TBL1XR1: variants seen among roughly 807,000 people sequenced by gnomAD.
TBL1XR1 encodes F-box-like/WD repeat-containing protein TBL1XR1.
A neutral mutation model predicts 66.9 loss-of-function variants in TBL1XR1; 5 were observed. The ratio of observed to expected loss-of-function variants is 0.07; its 90% CI spans 0.04 to 0.16. The LOEUF (loss-of-function observed/expected upper bound fraction) is 0.16, where lower values mean the gene tolerates loss of function less well. Ranked by LOEUF, TBL1XR1 falls within the 10% of genes least tolerant of loss-of-function variation. TBL1XR1 has a pLI of 1.00. For synonymous variants in TBL1XR1, 210 were observed against 206.0 expected (o/e 1.02, Z -0.17); for missense variants, 238 against 623.2 (o/e 0.38, Z 6.58).
intron 1 of TBL1XR1, among the ~76,000 whole-genome samples, chr3:177,133,395 A>T (rs1728534512): frequency 6.6e-6 from 1 of 152,226 alleles, no homozygotes; most frequent in South Asian, 2.1e-4. Flanking sequence ...TTCAAGATAT[A>T]CATCCTGAGC....
chr3:177,042,481 T>G (rs1383033316), intron 10 of TBL1XR1, among the ~76,000 whole-genome samples: 1 of 152,180 alleles, frequency 6.6e-6, no homozygotes, highest in African/African-American at 2.4e-5. Context: ...ATTGTTGGGA[T>G]GTAGGAAATG....
chr3:177,070,864 T>C (rs577368391), intron 2 of TBL1XR1, among the ~76,000 whole-genome samples: 1 of 151,666 alleles, frequency 6.6e-6, no homozygotes, highest in African/African-American at 2.4e-5. Context: ...AATAAATAAA[T>C]AAATAAAAAT....
rs1005817775 is a variant in TBL1XR1 at position 177,020,076 on chromosome 3, C to G, written c.*5422G>C. On this transcript the variant is annotated 3_prime_UTR_variant, in exon 16 of 16. Transcript: ENST00000457928. ...GGTATTAATTAAAACTAGAAGGTGT[C>G]TAGTTGTTTTTCTTATAAAGTTTGT... 2 of 150,890 alleles carry G rather than the reference C, an allele frequency of 1.3e-5. No individual in the cohort carries two copies. The highest frequency in any genetic ancestry group is 4.9e-5 in the African/African-American group (2 of 41,018). 9.3% of individuals were successfully genotyped at this position (150,890 alleles called of 1,614,324 possible).
chr3:177,184,187 A>G lies in TBL1XR1; in HGVS notation c.-122+12934T>C, dbSNP rs186395629. On this transcript the variant is annotated intron_variant, in intron 1 of 15. Transcript: ENST00000457928. ...AAAAGCTGCAAGTGACACAATTGCA[A>G]ATGACACCAACTGCAACCAAAAATA... Among the ~76,000 whole-genome samples the G allele has an allele frequency of 2.3e-3, 357 of 152,324 alleles. 7 individuals carry two copies. The highest frequency in any genetic ancestry group is 6.8e-3 in the Middle Eastern group (2 of 294).
At chr3:177,033,419 C>T (rs918234839) in intron 13 of TBL1XR1, among the ~76,000 whole-genome samples, 2 of 152,088 alleles carry the variant, frequency 1.3e-5, no homozygotes, top group African/African-American at 4.8e-5. Context: ...GAGTAGAAAA[C>T]GTAAATGTGC....
At chr3:177,201,383 C>A (rs1309832045), upstream of TBL1XR1, among the ~76,000 whole-genome samples, 1 of 142,860 alleles carries the variant, frequency 7.0e-6, no homozygotes, top group East Asian at 2.0e-4. Context: ...TGCACTCCAG[C>A]CTGGGCGGGT....
intron 12 of TBL1XR1, among the ~76,000 whole-genome samples, chr3:177,035,677 G>A (rs886515089): frequency 4.6e-5 from 7 of 152,258 alleles, no homozygotes; most frequent in Admixed American, 1.3e-4. Flanking sequence ...GCCTCCCAAA[G>A]TGCTTTAATT....
In TBL1XR1 at chr3:177,197,109, C is replaced by T. The variant is rs1321321862; in HGVS notation, c.-122+12G>A. Reference sequence around the variant, plus strand: ...GCCGCCCCCACTCCAGGGTCCGGCCCCCAGCGCTTACCTGGAAACGGTGGC... The same window carrying T: ...GCCGCCCCCACTCCAGGGTCCGGCCTCCAGCGCTTACCTGGAAACGGTGGC... On this transcript the variant is annotated intron_variant, in intron 1 of 15. Coordinates refer to ENST00000457928, the MANE Select transcript of TBL1XR1 (RefSeq NM_024665.7). 1 of 152,150 alleles carries T rather than the reference C, an allele frequency of 6.6e-6. No individual in the cohort carries two copies. The highest frequency in any genetic ancestry group is 2.4e-5 in the African/African-American group (1 of 41,368). 9.4% of individuals were successfully genotyped at this position (152,150 alleles called of 1,614,324 possible).
chr3:177,173,457 CCT>C lies in TBL1XR1; in HGVS notation c.-122+23662_-122+23663del, dbSNP rs532066507. 9.3e-4 allele frequency among the ~76,000 whole-genome samples: 142 copies of C among 152,184 alleles called. 2 individuals carry two copies. Among genetic ancestry groups the C allele is most frequent in the Middle Eastern group, 6.8e-3 (2 of 294 alleles). ...GATTAAAATATACCAATAAGTGTCC[CCT>C]GTTTGATATGATGTGATGAGACAGG... On this transcript the variant is annotated intron_variant, in intron 1 of 15. Coordinates refer to ENST00000457928, the MANE Select transcript of TBL1XR1 (RefSeq NM_024665.7).
At chr3:177,199,250 T>C (rs956535051), upstream of TBL1XR1, among the ~76,000 whole-genome samples, 3 of 152,156 alleles carry the variant, frequency 2.0e-5, no homozygotes, top group East Asian at 5.8e-4. Context: ...CTATGCAGAG[T>C]GTACAGGGAA....
chr3:177,197,944 C>T (rs1324054753), upstream of TBL1XR1, among the ~76,000 whole-genome samples: 3 of 150,432 alleles, frequency 2.0e-5, no homozygotes, highest in African/African-American at 4.9e-5. Context: ...GCGCGGTGGC[C>T]GGGGTGGAGC....
rs1712085957 is a variant in TBL1XR1 at position 177,019,416 on chromosome 3, T to G, written c.*6082A>C. On this transcript the variant is annotated 3_prime_UTR_variant, in exon 16 of 16. Coordinates refer to ENST00000457928, the MANE Select transcript of TBL1XR1 (RefSeq NM_024665.7). ...AAATTGTAAAGAAATTACAAGGAAC[T>G]CCTAAAAAAATTTAATACAAAAATA... 6.6e-6 allele frequency: 1 copy of G among 152,100 alleles called. No individual in the cohort carries two copies. The highest frequency in any genetic ancestry group is 1.5e-5 in the Non-Finnish European group (1 of 68,014). The allele number at this position is 152,100 out of a possible 1,614,324, so 9.4% of individuals were successfully genotyped here.
intron 1 of TBL1XR1, among the ~76,000 whole-genome samples, chr3:177,160,506 G>A (rs142425431): frequency 1.5e-4 from 23 of 150,946 alleles, no homozygotes; most frequent in South Asian, 4.2e-4. Context: ...AATTGGCAGC[G>A]AGAAAGAAGA....
chr3:177,100,706 T>C lies in TBL1XR1; in HGVS notation c.-121-2165A>G, dbSNP rs909142624. On this transcript the variant is annotated intron_variant, in intron 1 of 15. Transcript: ENST00000457928. ...TCCCAAAGTGCTGGGATTACAGGGG[T>C]GAGCCACTGTGCTGGGCCAAATAAT... Among the ~76,000 whole-genome samples, 32 of 152,150 alleles carry C rather than the reference T, an allele frequency of 2.1e-4. 1 individual carries two copies.
chr3:177,142,551 G>A (rs960416323), intron 1 of TBL1XR1, among the ~76,000 whole-genome samples: 2 of 152,144 alleles, frequency 1.3e-5, no homozygotes, highest in Non-Finnish European at 2.9e-5. Flanking sequence ...TTCACCTGGT[G>A]CAAAGTCCAA....
intron 14 of TBL1XR1, chr3:177,026,847 A>C (rs1713200767): frequency 6.1e-6 from 1 of 164,426 alleles, no homozygotes; most frequent in African/African-American, 2.4e-5. Flanking sequence ...TAGAGAAACA[A>C]AATAAATTCA....
intron 1 of TBL1XR1, among the ~76,000 whole-genome samples, chr3:177,184,195 C>T (rs1411902988): frequency 6.6e-6 from 1 of 152,118 alleles, no homozygotes; most frequent in Non-Finnish European, 1.5e-5. Context: ...CAAATGACAC[C>T]AACTGCAACC....
rs764951521 is a variant in TBL1XR1 at position 177,071,031 on chromosome 3, G to GTTTTTTTTTTTTTTTTTTTT, written c.-45-6010_-45-6009insAAAAAAAAAAAAAAAAAAAA. ...TGGAACAGACATGTTCTGAGAATCT[G>GTTTTTTTTTTTTTTTTTTTT]TTTTTTTTTTTTTTTTTGAGACAGA... On this transcript the variant is annotated intron_variant, in intron 2 of 15. Transcript: ENST00000457928. 9.3e-4 allele frequency among the ~76,000 whole-genome samples: 97 copies of GTTTTTTTTTTTTTTTTTTTT among 104,676 alleles called. 8 individuals carry two copies. Among genetic ancestry groups the GTTTTTTTTTTTTTTTTTTTT allele is most frequent in the African/African-American group, 3.5e-3 (90 of 25,842 alleles). 68.7% of individuals were successfully genotyped at this position (104,676 alleles called of 152,430 possible).
chr3:177,141,080 C>T (rs1203338544), intron 1 of TBL1XR1, among the ~76,000 whole-genome samples: 1 of 152,100 alleles, frequency 6.6e-6, no homozygotes, highest in East Asian at 1.9e-4. Context: ...AATAAATGCA[C>T]TAATTTTCTC....
Sources: allele counts gnomAD v4.1 joint callset (sites outside exome capture counted in the v4.1 genomes callset), GRCh38; gene constraint gnomAD v4.1.1; transcripts MANE v1.5; gene names NCBI Gene and HGNC (gene_info 2026-07-23, HGNC 2026-07-21).